The following SNX8 variants were observed in gnomAD, a reference collection of about 807,000 sequenced individuals.
The protein encoded by SNX8 is sorting nexin 8.
In SNX8, 25 loss-of-function variants were observed where a neutral mutation model predicts 51.6. The ratio of observed to expected loss-of-function variants is 0.48; its 90% confidence interval spans 0.35 to 0.68. The LOEUF (loss-of-function observed/expected upper bound fraction) is 0.68, where lower values mean the gene tolerates loss of function less well. Among genes scored for constraint, SNX8 ranks in the 30% least tolerant of loss-of-function variants. The pLI is 0.00. For missense variants in SNX8, 695 were observed against 624.0 expected, an observed-to-expected ratio of 1.11 and a Z score of -1.21; for synonymous variants, 324 against 277.0, an observed-to-expected ratio of 1.17 and a Z score of -1.68.
intron 1 of SNX8, among the ~76,000 whole-genome samples, chr7:2,279,891 T>C (rs1795871389): frequency 6.6e-6 from 1 of 152,160 alleles, no homozygotes; most frequent in African/African-American, 2.4e-5. Flanking sequence ...GTGAAATATG[T>C]ACAAGTTTTG....
chr7:2,347,042 G>A (rs1221320097), intron 1 of SNX8, among the ~76,000 whole-genome samples: 1 of 151,924 alleles, frequency 6.6e-6, no homozygotes. Flanking sequence ...AGTCAAATAA[G>A]TCTTTGAACA....
In SNX8 at chr7:2,256,911, C is replaced by T. The variant is rs527989199; in HGVS notation, c.1247G>A (p.Arg416His). Residue 416 changes from arginine to histidine, a missense_variant, in exon 10 of 11, where the codon CGC becomes CAC. By Grantham distance (29) the Arg-to-His change is conservative. Coordinates refer to ENST00000222990, the MANE Select transcript of SNX8 (RefSeq NM_013321.4). ...TTGGATCTGAGAGTTGACGAAGGCGCGGAGGATGTGGGAGGTGAGGGGCAG... is the reference window on the plus strand; with the variant it reads ...TTGGATCTGAGAGTTGACGAAGGCGTGGAGGATGTGGGAGGTGAGGGGCAG... ...VYLPLTSHIL[R>H]AFVNSQIQGH... 15 of 1,613,548 alleles carry T rather than the reference C, an allele frequency of 9.3e-6. No individual in the cohort carries two copies. Among genetic ancestry groups the T allele is most frequent in the Admixed American group, 1.7e-5 (1 of 59,976 alleles).
intron 5 of SNX8, 22 bp from the exon 6 acceptor site, chr7:2,264,480 A>G (rs746980498): frequency 1.1e-5 from 17 of 1,603,392 alleles, no homozygotes; most frequent in Admixed American, 1.0e-4. Flanking sequence ...ATGGGGGGAG[A>G]GACACTGTGT....
At chr7:2,295,935 G>A (rs1796265128) in intron 1 of SNX8, among the ~76,000 whole-genome samples, 1 of 151,952 alleles carries the variant, frequency 6.6e-6, no homozygotes. Context: ...CTGTTCCATG[G>A]GTCTGTGTGC....
At chr7:2,322,412 T>C (rs942241398) in intron 1 of SNX8, among the ~76,000 whole-genome samples, 2 of 151,654 alleles carry the variant, frequency 1.3e-5, no homozygotes, top group African/African-American at 4.8e-5. Context: ...AAATAAATGC[T>C]GGCTGGGCGC....
chr7:2,316,311 C>A (rs528566631), upstream of SNX8, among the ~76,000 whole-genome samples: 9 of 145,932 alleles, frequency 6.2e-5, no homozygotes, highest in East Asian at 2.0e-3. Context: ...TCACTGCATC[C>A]TGCATTCATT....
chr7:2,304,112 AGCCGAGACTGT>A (rs1796485212), intron 1 of SNX8, among the ~76,000 whole-genome samples: 1 of 148,486 alleles, frequency 6.7e-6, no homozygotes, highest in South Asian at 2.1e-4. Flanking sequence ...GCTTGCAGTG[AGCCGAGACTGT>A]GCCACTGCAC....
At chr7:2,257,906 G>C in intron 7 of SNX8, 103 bp from the exon 8 acceptor site, 1 of 1,099,214 alleles carries the variant, frequency 9.1e-7, no homozygotes, top group Non-Finnish European at 1.4e-6. Context: ...CTTCCTCCCA[G>C]AGTCAGACGG....
intron 1 of SNX8, among the ~76,000 whole-genome samples, chr7:2,279,747 T>C (rs1159773414): frequency 7.1e-6 from 1 of 140,916 alleles, no homozygotes; most frequent in Non-Finnish European, 1.5e-5. Flanking sequence ...AGTGAGACCC[T>C]GTCTCAAAAA....
chr7:2,293,151 T>C (rs1010534793), intron 1 of SNX8, among the ~76,000 whole-genome samples: 7 of 149,628 alleles, frequency 4.7e-5, no homozygotes, highest in Non-Finnish European at 7.5e-5. Flanking sequence ...CCTGTAATCA[T>C]AGCACTTTTG....
intron 1 of SNX8, 136 bp downstream of exon 1, chr7:2,314,192 G>T: frequency 1.1e-6 from 1 of 945,588 alleles, no homozygotes. Context: ...CGAGGGACTG[G>T]GGCGTGGGGC....
intron 6 of SNX8, among the ~76,000 whole-genome samples, chr7:2,263,605 G>A (rs1795390739): frequency 1.3e-5 from 2 of 152,242 alleles, no homozygotes; most frequent in Admixed American, 6.5e-5. Flanking sequence ...TGACATGTGT[G>A]CACAGGTGAC....
At chr7:2,277,616 T>C (rs1052116798) in intron 2 of SNX8, among the ~76,000 whole-genome samples, 1 of 146,260 alleles carries the variant, frequency 6.8e-6, no homozygotes, top group Non-Finnish European at 1.5e-5. Context: ...CTGGCTAACA[T>C]GGTGAAACCC....
intron 1 of SNX8, among the ~76,000 whole-genome samples, chr7:2,340,878 A>C (rs998091219): frequency 4.7e-5 from 7 of 150,158 alleles, no homozygotes; most frequent in Non-Finnish European, 1.0e-4. Flanking sequence ...AAAAAAAAAA[A>C]AAAAAACTCT....
chr7:2,291,142 GA>G (rs1562441780), intron 1 of SNX8, among the ~76,000 whole-genome samples: 2 of 151,494 alleles, frequency 1.3e-5, no homozygotes, highest in Admixed American at 6.6e-5. Context: ...CCAAAAAAAA[GA>G]AAAAAAACCA....
At position 2,257,347 on chromosome 7, in the gene SNX8, G is replaced by A. The variant is rs905794135; in HGVS notation, c.1134+18C>T. The A allele has an allele frequency of 4.4e-6, 7 of 1,598,644 alleles. No individual in the cohort carries two copies. The highest frequency in any genetic ancestry group is 2.2e-5 in the East Asian group (1 of 44,714). ...GGGAAAGGCTCCCACGGGCCTGCTC[G>A]GCCGCCCCGCCACCCACCTCCACAA... is the stretch of plus-strand genomic sequence containing the variant. On this transcript the variant is annotated intron_variant, in intron 9 of 10. Transcript: ENST00000222990.
chr7:2,348,470 A>T (rs1164471085), intron 1 of SNX8, among the ~76,000 whole-genome samples: 1 of 150,622 alleles, frequency 6.6e-6, no homozygotes, highest in Non-Finnish European at 1.5e-5. Context: ...CCTCCCGAGT[A>T]GCTGGGACTA....
Position 2,264,382 on chromosome 7 carries a change from T to C in SNX8, c.698A>G (p.His233Arg), listed in dbSNP as rs1795413945. 3 of 1,612,886 alleles carry C rather than the reference T, an allele frequency of 1.9e-6. No homozygotes were observed. The highest frequency in any genetic ancestry group is 2.5e-6 in the Non-Finnish European group (3 of 1,179,978). Residue 233 changes from histidine to arginine, a missense_variant, in exon 6 of 11, where the codon CAC (histidine) becomes CGC (arginine). Coordinates refer to ENST00000222990, the MANE Select transcript of SNX8 (RefSeq NM_013321.4). ...ELIRNIYNSF[H>R]KLRDRAERIA... is the part of the protein sequence containing the mutation. ...CCGCTCGGCCCTGTCGCGAAGCTTGTGAAAGCTATTGTAGATGTTCCGGAT... is the reference window on the plus strand; with the variant it reads ...CCGCTCGGCCCTGTCGCGAAGCTTGCGAAAGCTATTGTAGATGTTCCGGAT...
intron 9 of SNX8, 42 bp downstream of exon 9, chr7:2,257,323 G>A: frequency 6.3e-7 from 1 of 1,584,258 alleles, no homozygotes; most frequent in Non-Finnish European, 8.5e-7. Flanking sequence ...GGCCGGGAGG[G>A]GAAAGGCTCC....
Sources: gnomAD v4.1 joint callset for allele counts (sites outside exome capture counted in the v4.1 genomes callset) on GRCh38, gnomAD v4.1.1 for gene constraint, MANE v1.5 for transcripts, NCBI Gene and HGNC (gene_info 2026-07-23, HGNC 2026-07-21) for gene names.